TAF1: variants seen among roughly 807,000 people sequenced by gnomAD.
The protein encoded by TAF1 is transcription initiation factor TFIID subunit 1.
In TAF1, 2 loss-of-function variants were observed where a neutral mutation model predicts 138.5. That is an observed-to-expected ratio of 0.01 (90% CI 0.01 to 0.05). The LOEUF is 0.05. Ranked by LOEUF, TAF1 falls within the 10% of genes least tolerant of loss-of-function variation. TAF1 has a pLI of 1.00. For missense variants in TAF1, 709 were observed against 1,478.0 expected (o/e 0.48, Z 8.53); for synonymous variants, 437 against 503.2 (o/e 0.87, Z 1.76).
At chrX:71,509,428 G>A (rs1213162751) in intron 13 of TAF1, among the ~76,000 whole-genome samples, 1 of 111,624 alleles carries the variant, frequency 9.0e-6, no homozygotes, top group African/African-American at 3.3e-5. Context: ...GTGAGAGAGT[G>A]TTAAAGATAA....
chrX:71,376,876 A>G, intron 4 of TAF1, 74 bp from the exon 5 acceptor site: 1 of 1,176,795 alleles, frequency 8.5e-7, no homozygotes, highest in South Asian at 1.9e-5. Flanking sequence ...GTATAGCCTA[A>G]AGTGGGTGTT....
At chrX:71,419,715 T>C (rs112026363) in intron 28 of TAF1, among the ~76,000 whole-genome samples, 3 of 110,935 alleles carry the variant, frequency 2.7e-5, no homozygotes, top group Non-Finnish European at 3.8e-5. Flanking sequence ...TCCAGAGCCC[T>C]GGCTAAAAAA....
chrX:71,519,405 A>C (rs926734164), intron 13 of TAF1, among the ~76,000 whole-genome samples: 1 of 108,926 alleles, frequency 9.2e-6, no homozygotes, highest in Non-Finnish European at 1.9e-5. Flanking sequence ...CAGTGACTAC[A>C]TATTTTGCCA....
intron 12 of TAF1, 46 bp downstream of exon 12, chrX:71,383,210 G>A: frequency 1.7e-6 from 2 of 1,155,899 alleles, no homozygotes; most frequent in Non-Finnish European, 2.3e-6. Flanking sequence ...GGATATTGGG[G>A]TATAAATTAA....
chrX:71,384,246 C>A (rs1418047089), intron 13 of TAF1, 111 bp downstream of exon 13: 1 of 864,246 alleles, frequency 1.2e-6, no homozygotes, highest in Non-Finnish European at 1.6e-6. Flanking sequence ...AGACAAACTG[C>A]AAACTTACAT....
intron 32 of TAF1, chrX:71,441,828 C>A (rs1281213090): frequency 1.2e-5 from 2 of 161,435 alleles, no homozygotes; most frequent in Admixed American, 8.5e-5. Flanking sequence ...GCCCCCCACC[C>A]CACAACAGGC....
At chrX:71,370,093 C>T (rs1415621487) in intron 3 of TAF1, among the ~76,000 whole-genome samples, 3 of 110,902 alleles carry the variant, frequency 2.7e-5, no homozygotes, top group South Asian at 7.7e-4. Context: ...GACATGATGT[C>T]GTGTGCCTGT....
chrX:71,446,722 A>G (rs907026720), intron 32 of TAF1, among the ~76,000 whole-genome samples: 3 of 112,231 alleles, frequency 2.7e-5, no homozygotes, highest in African/African-American at 6.5e-5. Flanking sequence ...AAACATTTTC[A>G]GGGTCTTTGG....
At chrX:71,473,016 AG>A (rs1296904671) in intron 13 of TAF1, among the ~76,000 whole-genome samples, 1 of 112,444 alleles carries the variant, frequency 8.9e-6, no homozygotes, top group East Asian at 2.8e-4. Context: ...TTATTTAGAA[AG>A]GGTTTTTTTT....
At chrX:71,414,069 A>G (rs954319013) in intron 28 of TAF1, 35 of 100,529 alleles carry the variant, frequency 3.5e-4, no homozygotes, top group African/African-American at 1.2e-3. Context: ...CTACAACCAC[A>G]CATTTGATTG....
intron 32 of TAF1, among the ~76,000 whole-genome samples, chrX:71,439,199 T>G (rs1200419312): frequency 9.0e-6 from 1 of 111,489 alleles, no homozygotes; most frequent in Non-Finnish European, 1.9e-5. Context: ...ATTCCAACTT[T>G]CTCCCTCTCT....
intron 13 of TAF1, among the ~76,000 whole-genome samples, chrX:71,489,081 AC>A (rs1172974395): frequency 1.9e-5 from 2 of 108,024 alleles, no homozygotes; most frequent in African/African-American, 3.4e-5. Flanking sequence ...AAAAAAAAAA[AC>A]ACACACAAAA....
chrX:71,481,935 G>A (rs1208516687), intron 13 of TAF1, among the ~76,000 whole-genome samples: 1 of 112,172 alleles, frequency 8.9e-6, no homozygotes, highest in Non-Finnish European at 1.9e-5. Flanking sequence ...ACTTAAATAA[G>A]TAGGTATTTG....
intron 28 of TAF1, among the ~76,000 whole-genome samples, chrX:71,418,672 A>G (rs1203695275): frequency 8.9e-6 from 1 of 111,926 alleles, no homozygotes. Context: ...TGATGAGCTT[A>G]AATTAGGGCA....
At chrX:71,421,244 A>G (rs2036328067) in intron 28 of TAF1, 65 bp from the exon 29 acceptor site, 1 of 1,003,061 alleles carries the variant, frequency 1.0e-6, no homozygotes, top group African/African-American at 1.9e-5. Context: ...TTAAAAGGAT[A>G]AAGAAGTGTT....
intron 22 of TAF1, among the ~76,000 whole-genome samples, chrX:71,395,027 G>A (rs2034773346): frequency 1.8e-5 from 2 of 112,214 alleles, no homozygotes; most frequent in South Asian, 7.3e-4. Context: ...AACATTCATG[G>A]CTTTCAGAAG....
At chrX:71,373,746 T>G (rs768144706) in intron 3 of TAF1, among the ~76,000 whole-genome samples, 1 of 111,421 alleles carries the variant, frequency 9.0e-6, no homozygotes, top group East Asian at 2.8e-4. Flanking sequence ...TAGGTGAAGG[T>G]GATTCTTGAG....
chrX:71,459,466 G>A (rs911469623), intron 35 of TAF1, 86 bp from the exon 36 acceptor site: 10 of 1,132,718 alleles, frequency 8.8e-6, no homozygotes, highest in African/African-American at 1.8e-5. Flanking sequence ...TGGGCGGGGC[G>A]GGGAGGGGGG....
chrX:71,416,343 A>T (rs1391758627), intron 28 of TAF1, among the ~76,000 whole-genome samples: 1 of 100,365 alleles, frequency 1.0e-5, no homozygotes, highest in Non-Finnish European at 2.0e-5. Flanking sequence ...CTATGATCAC[A>T]CCATTGGACT....
Sources: gnomAD v4.1 joint callset for allele counts (sites outside exome capture counted in the v4.1 genomes callset) on GRCh38, gnomAD v4.1.1 for gene constraint, MANE v1.5 for transcripts, NCBI Gene and HGNC (gene_info 2026-07-23, HGNC 2026-07-21) for gene names.